MBD5: variants seen among roughly 807,000 people sequenced by gnomAD.
The protein encoded by MBD5 is methyl-CpG binding domain protein 5, also known as methyl-CpG-binding domain protein 5.
Under a neutral mutation model 117.3 loss-of-function variants are expected in MBD5, and 13 were observed. The observed-to-expected ratio is 0.11, with a 90% CI of 0.07 to 0.18. The LOEUF (loss-of-function observed/expected upper bound fraction) is 0.18. MBD5 is among the 10% of genes least tolerant of loss of function. The pLI is 1.00. For missense variants in MBD5, 1,879 were observed against 2,093.8 expected (o/e 0.90, Z 2.00); for synonymous variants, 727 against 766.4 (o/e 0.95, Z 0.85).
At chr2:148,369,447 G>C (rs558054909) in intron 4 of MBD5, among the ~76,000 whole-genome samples, 1 of 152,228 alleles carries the variant, frequency 6.6e-6, no homozygotes, top group Admixed American at 6.5e-5. Flanking sequence ...CTAAGGAAAT[G>C]AAGTATTTAG....
At chr2:148,034,293 A>G (rs1694124726) in intron 1 of MBD5, among the ~76,000 whole-genome samples, 1 of 152,124 alleles carries the variant, frequency 6.6e-6, no homozygotes. Flanking sequence ...TCACTTGTGC[A>G]TTTTTCAGGG....
chr2:148,139,575 A>G lies in MBD5; in HGVS notation c.-924-39125A>G, dbSNP rs150591693. ...TTGTGAAGTCTCTGATGCAAAAACG[A>G]AAAAAGCAGTGTGAAATCTAGGCCT... On this transcript the variant is annotated intron_variant, in intron 1 of 13. Transcript: ENST00000642680. 7.2e-3 allele frequency among the ~76,000 whole-genome samples: 1,099 copies of G among 152,284 alleles called. 11 individuals carry two copies. The highest frequency in any genetic ancestry group is 0.025 in the African/African-American group (1,025 of 41,568).
chr2:148,098,414 C>T (rs749094927), intron 1 of MBD5, among the ~76,000 whole-genome samples: 6 of 152,070 alleles, frequency 3.9e-5, no homozygotes, highest in African/African-American at 4.8e-5. Context: ...CCAAATGAGA[C>T]AAGAGATCCT....
intron 5 of MBD5, among the ~76,000 whole-genome samples, chr2:148,461,054 T>C (rs1208133605): frequency 1.3e-5 from 2 of 152,176 alleles, no homozygotes; most frequent in African/African-American, 4.8e-5. Flanking sequence ...TGCCTCAGCC[T>C]CCCGAGTAGC....
At chr2:148,053,134 T>C (rs1694767619) in intron 1 of MBD5, among the ~76,000 whole-genome samples, 1 of 152,156 alleles carries the variant, frequency 6.6e-6, no homozygotes, top group South Asian at 2.1e-4. Flanking sequence ...TGCCAACTGT[T>C]ATTGTTGAAC....
intron 1 of MBD5, among the ~76,000 whole-genome samples, chr2:148,060,162 A>G (rs889838354): frequency 1.2e-4 from 16 of 134,628 alleles, no homozygotes; most frequent in African/African-American, 4.3e-4. Context: ...AAAAAAAAAA[A>G]GCCAGGCATG....
chr2:148,152,765 T>A (rs1304870677), intron 1 of MBD5, among the ~76,000 whole-genome samples: 1 of 151,094 alleles, frequency 6.6e-6, no homozygotes, highest in Non-Finnish European at 1.5e-5. Context: ...TTGCAACCCC[T>A]GCCTTTTTTT....
chr2:148,314,376 GTTTTTTTT>G (rs67471940), intron 3 of MBD5, among the ~76,000 whole-genome samples: 1 of 106,622 alleles, frequency 9.4e-6, no homozygotes, highest in African/African-American at 3.5e-5. Context: ...CAGTGTTATG[GTTTTTTTT>G]TTTTTTTTTT....
In MBD5 at chr2:148,239,760, TGCAGTG is replaced by T. The variant is rs1474470018; in HGVS notation, c.-680+6369_-680+6374del. ...TCTTGCATTGTAGCCCAGGCTGGAG[TGCAGTG>T]GCATGAACGTGGCTCAGTGCAGCCT... On this transcript the variant is annotated intron_variant, in intron 3 of 13. Coordinates refer to ENST00000642680, the MANE Select transcript of MBD5 (RefSeq NM_001378120.1). Among the ~76,000 whole-genome samples the T allele has an allele frequency of 4.7e-4, 69 of 147,436 alleles. No individual in the cohort carries two copies. In the Admixed American group the frequency reaches 4.7e-3, roughly 10 times the overall value.
At chr2:148,136,385 G>T (rs1274969315) in intron 1 of MBD5, among the ~76,000 whole-genome samples, 1 of 152,014 alleles carries the variant, frequency 6.6e-6, no homozygotes, top group Non-Finnish European at 1.5e-5. Flanking sequence ...AAAGTGAGAA[G>T]TTGAAATTTT....
rs748989182 is a variant in MBD5 at position 148,342,230 on chromosome 2, C to T, written c.-663C>T. 9 of 151,966 alleles carry T rather than the reference C, an allele frequency of 5.9e-5. No homozygotes were observed. The highest frequency in any genetic ancestry group is 1.3e-4 in the Non-Finnish European group (9 of 67,950). 9.4% of individuals were successfully genotyped at this position (151,966 alleles called of 1,614,324 possible). A position where few individuals can be genotyped will look rare whatever the true frequency, so the allele number is the denominator to read the frequency against. On this transcript the variant is annotated 5_prime_UTR_variant, in exon 4 of 14. Coordinates refer to ENST00000642680, the MANE Select transcript of MBD5 (RefSeq NM_001378120.1). ...CTGTTCCAGAGAGAAGAGGTACTCC[C>T]TTATAGGGACTCGTAAAGACATAGA...
intron 1 of MBD5, among the ~76,000 whole-genome samples, chr2:148,029,242 A>G (rs963509746): frequency 6.6e-6 from 1 of 151,470 alleles, no homozygotes; most frequent in South Asian, 2.1e-4. Context: ...TTTTTTTACT[A>G]GAAGTAATAT....
intron 1 of MBD5, among the ~76,000 whole-genome samples, chr2:148,068,235 A>T (rs551909001): frequency 6.6e-6 from 1 of 152,302 alleles, no homozygotes; most frequent in East Asian, 1.9e-4. Flanking sequence ...TAGCTATGTG[A>T]ACCACTACAT....
chr2:148,128,790 G>A (rs773340689), intron 1 of MBD5, among the ~76,000 whole-genome samples: 69 of 152,132 alleles, frequency 4.5e-4, no homozygotes, highest in Non-Finnish European at 8.5e-4. Context: ...CTATCAGCAA[G>A]CATATAAGGC....
chr2:148,048,908 G>A (rs1184144097), intron 1 of MBD5, among the ~76,000 whole-genome samples: 1 of 152,052 alleles, frequency 6.6e-6, no homozygotes, highest in African/African-American at 2.4e-5. Context: ...CTGGGATGTT[G>A]GAATAGTCTA....
chr2:148,075,890 G>T (rs1695496585), intron 1 of MBD5, among the ~76,000 whole-genome samples: 1 of 152,064 alleles, frequency 6.6e-6, no homozygotes, highest in Non-Finnish European at 1.5e-5. Flanking sequence ...AAATTCCACA[G>T]CTTGGAATCG....
intron 4 of MBD5, among the ~76,000 whole-genome samples, chr2:148,378,942 G>C (rs765921306): frequency 6.6e-6 from 1 of 152,014 alleles, no homozygotes; most frequent in Non-Finnish European, 1.5e-5. Flanking sequence ...TTAGTGGATT[G>C]AGAGAGATTT....
chr2:148,129,389 G>A (rs553350290), intron 1 of MBD5, among the ~76,000 whole-genome samples: 1 of 152,162 alleles, frequency 6.6e-6, no homozygotes, highest in African/African-American at 2.4e-5. Flanking sequence ...CAACTACTCG[G>A]GAGGCTGAGG....
intron 1 of MBD5, among the ~76,000 whole-genome samples, chr2:148,109,911 T>A: frequency 6.6e-6 from 1 of 152,216 alleles, no homozygotes; most frequent in East Asian, 1.9e-4. Flanking sequence ...TCTGCCACTT[T>A]CTTGGCATGT....
Sources: allele counts gnomAD v4.1 joint callset (sites outside exome capture counted in the v4.1 genomes callset), GRCh38; gene constraint gnomAD v4.1.1; transcripts MANE v1.5; gene names NCBI Gene and HGNC (gene_info 2026-07-23, HGNC 2026-07-21).